Variants in CFAP20DC observed in about 807,000 individuals in gnomAD.
The protein encoded by CFAP20DC is CFAP20 domain containing.
CFAP20DC carries 84 observed loss-of-function variants against 101.7 expected under a neutral mutation model. The observed-to-expected ratio is 0.83, with a 90% CI of 0.69 to 0.99. The LOEUF (loss-of-function observed/expected upper bound fraction) is 0.99, where lower values mean the gene tolerates loss of function less well. CFAP20DC is among the 50% of genes least tolerant of loss of function. The probability of loss-of-function intolerance (pLI) is 0.00; values close to 1 mark genes in which losing one functional copy is unlikely to be tolerated. For synonymous variants in CFAP20DC, 359 were observed against 351.2 expected (o/e 1.02, Z -0.25); for missense variants, 1,007 against 970.3 (o/e 1.04, Z -0.50).
chr3:58,716,869 CAT>C (rs1167165163), downstream of CFAP20DC, among the ~76,000 whole-genome samples: 1 of 152,114 alleles, frequency 6.6e-6, no homozygotes, highest in African/African-American at 2.4e-5. Flanking sequence ...CCAAACGAGG[CAT>C]ATGTCTCCTC....
chr3:58,720,337 TG>T (rs1188842774), intron 3 of CFAP20DC, among the ~76,000 whole-genome samples: 1 of 152,200 alleles, frequency 6.6e-6, no homozygotes, highest in Non-Finnish European at 1.5e-5. Context: ...ATCTCTCAAG[TG>T]GCTATAAACA....
intron 15 of CFAP20DC, among the ~76,000 whole-genome samples, chr3:58,797,904 G>T (rs2073375648): frequency 6.6e-6 from 1 of 152,066 alleles, no homozygotes; most frequent in African/African-American, 2.4e-5. Context: ...CTGGATGAAG[G>T]CACATCTGCT....
At chr3:59,022,350 T>C (rs1560006743) in intron 4 of CFAP20DC, among the ~76,000 whole-genome samples, 1 of 150,346 alleles carries the variant, frequency 6.7e-6, no homozygotes, top group African/African-American at 2.4e-5. Flanking sequence ...GGATTTTTCC[T>C]AAAAAAAAAC....
At position 59,002,401 on chromosome 3, in the gene CFAP20DC, G is replaced by T. The variant is rs1356604761; in HGVS notation, c.278+37156C>A. ...GCATAACCAAAATGACTTTATGCAA[G>T]CAAAGCAAGTAGAAGTATTTCTAAA... On this transcript the variant is annotated intron_variant, in intron 4 of 16. Coordinates refer to ENST00000482387, the MANE Select transcript of CFAP20DC (RefSeq NM_001394063.1). The surrounding 1 kb of genome is among the most constrained non-coding windows in gnomAD (Gnocchi z 4.5). 6.6e-6 allele frequency among the ~76,000 whole-genome samples: 1 copy of T among 152,138 alleles called. No homozygotes were observed. The highest frequency in any genetic ancestry group is 1.5e-5 in the Non-Finnish European group (1 of 68,018).
At chr3:58,763,611 A>C (rs1029300976) in intron 15 of CFAP20DC, among the ~76,000 whole-genome samples, 18 of 151,858 alleles carry the variant, frequency 1.2e-4, no homozygotes, top group Non-Finnish European at 2.4e-4. Flanking sequence ...GAGGAGAGGC[A>C]CTCTGATTTT....
At chr3:58,963,019 A>T (rs1330790156) in intron 4 of CFAP20DC, among the ~76,000 whole-genome samples, 1 of 152,016 alleles carries the variant, frequency 6.6e-6, no homozygotes, top group African/African-American at 2.4e-5. Flanking sequence ...CAACACAGGC[A>T]GAGTCATGGG....
chr3:58,808,233 C>A (rs1374344586), intron 14 of CFAP20DC, among the ~76,000 whole-genome samples: 1 of 152,056 alleles, frequency 6.6e-6, no homozygotes, highest in Non-Finnish European at 1.5e-5. Context: ...GACACTCCTC[C>A]AGAAGAGCAA....
chr3:58,845,445 C>A (rs1363869473), intron 13 of CFAP20DC, among the ~76,000 whole-genome samples: 2 of 151,292 alleles, frequency 1.3e-5, no homozygotes, highest in Non-Finnish European at 3.0e-5. Flanking sequence ...CACATACACT[C>A]TCCCAAGACT....
chr3:58,891,206 C>T (rs1394064044), intron 6 of CFAP20DC, among the ~76,000 whole-genome samples: 5 of 152,038 alleles, frequency 3.3e-5, no homozygotes, highest in African/African-American at 1.2e-4. Context: ...GCGGATCACT[C>T]GCGGTTAGGG....
intron 4 of CFAP20DC, among the ~76,000 whole-genome samples, chr3:59,039,171 A>G (rs2094153957): frequency 1.3e-5 from 2 of 152,126 alleles, no homozygotes; most frequent in African/African-American, 4.8e-5. Flanking sequence ...TATTATTAAA[A>G]TAAGATATTT....
Position 58,884,399 on chromosome 3 carries a change from C to T in CFAP20DC, c.715+146G>A. 8 of 646,766 alleles carry T rather than the reference C, an allele frequency of 1.2e-5. No individual in the cohort carries two copies. The South Asian group carries it at 1.9e-4, about 15-fold the overall frequency. 40.1% of individuals were successfully genotyped at this position (646,766 alleles called of 1,614,324 possible). ...CCTTGTTAGTAATCTGAGTTTGTAGCCCCTGGCGTGGTATGTGGCAAGTAT... is the reference window on the plus strand; with the variant it reads ...CCTTGTTAGTAATCTGAGTTTGTAGTCCCTGGCGTGGTATGTGGCAAGTAT... On this transcript the variant is annotated intron_variant, in intron 7 of 16. Coordinates refer to ENST00000482387, the MANE Select transcript of CFAP20DC (RefSeq NM_001394063.1).
chr3:58,937,050 T>G (rs937788238), intron 5 of CFAP20DC, among the ~76,000 whole-genome samples: 1 of 151,894 alleles, frequency 6.6e-6, no homozygotes, highest in African/African-American at 2.4e-5. Context: ...AGAGTAATAT[T>G]GAAATGACTG....
intron 4 of CFAP20DC, among the ~76,000 whole-genome samples, chr3:59,009,701 C>G (rs2093536370): frequency 6.6e-6 from 1 of 152,086 alleles, no homozygotes; most frequent in Non-Finnish European, 1.5e-5. Flanking sequence ...CCTAGACTAC[C>G]AAATACAAGA....
intron 13 of CFAP20DC, 117 bp from the exon 14 acceptor site, chr3:58,832,006 C>T: frequency 1.3e-6 from 1 of 792,336 alleles, no homozygotes; most frequent in Non-Finnish European, 2.1e-6. Flanking sequence ...GCCCAAATCC[C>T]TAACATGCCT....
At chr3:58,965,728 TTAAAA>T (rs1319393076) in intron 4 of CFAP20DC, among the ~76,000 whole-genome samples, 1 of 152,202 alleles carries the variant, frequency 6.6e-6, no homozygotes, top group Non-Finnish European at 1.5e-5. Context: ...TTCACAATTA[TTAAAA>T]TAATGTTTCT....
intron 5 of CFAP20DC, among the ~76,000 whole-genome samples, chr3:58,926,655 T>G (rs1445335711): frequency 3.3e-5 from 5 of 152,162 alleles, no homozygotes; most frequent in Non-Finnish European, 7.3e-5. Flanking sequence ...ATGGGAAAAA[T>G]GATCCATGAG....
chr3:58,800,422 G>T (rs2107689201), intron 15 of CFAP20DC, among the ~76,000 whole-genome samples: 1 of 152,274 alleles, frequency 6.6e-6, no homozygotes, highest in East Asian at 1.9e-4. Context: ...GATCACCCTT[G>T]GTTTCTGGCT....
chr3:58,730,849 A>G (rs1020378962), intron 3 of CFAP20DC, among the ~76,000 whole-genome samples: 7 of 152,136 alleles, frequency 4.6e-5, no homozygotes. Flanking sequence ...GATAACACAA[A>G]TTGAAAGGTG....
At chr3:58,747,488 C>A (rs2068283296) in intron 16 of CFAP20DC, among the ~76,000 whole-genome samples, 1 of 152,136 alleles carries the variant, frequency 6.6e-6, no homozygotes, top group Admixed American at 6.5e-5. Context: ...TGATGTGGCA[C>A]TAGTTTATCA....
Sources: gnomAD v4.1 joint callset for allele counts (sites outside exome capture counted in the v4.1 genomes callset) on GRCh38, gnomAD v4.1.1 for gene constraint, Gnocchi (gnomAD v3.1) non-coding constraint, MANE v1.5 for transcripts, NCBI Gene and HGNC (gene_info 2026-07-23, HGNC 2026-07-21) for gene names.